Variants in PTPRQ observed in about 807,000 individuals in gnomAD.
PTPRQ encodes phosphatidylinositol phosphatase PTPRQ.
Under a neutral mutation model 246.0 loss-of-function variants are expected in PTPRQ, and 199 were observed. The ratio of observed to expected loss-of-function variants is 0.81; its 90% CI spans 0.72 to 0.91. The LOEUF is 0.91. Among genes scored for constraint, PTPRQ ranks in the 40% least tolerant of loss-of-function variants. PTPRQ has a pLI of 0.00. For synonymous variants in PTPRQ, 869 were observed against 853.2 expected, an observed-to-expected ratio of 1.02 and a Z score of -0.32; for missense variants, 2,624 against 2,528.4, an observed-to-expected ratio of 1.04 and a Z score of -0.81.
intron 14 of PTPRQ, among the ~76,000 whole-genome samples, chr12:80,499,788 C>CTGTGTGTGTT (rs1894740394): frequency 6.6e-6 from 1 of 151,362 alleles, no homozygotes; most frequent in African/African-American, 2.4e-5. Context: ...GTGTGTATCT[C>CTGTGTGTGTT]TGTGTGTGTT....
At chr12:80,633,019 C>G (rs1362741988) in intron 34 of PTPRQ, among the ~76,000 whole-genome samples, 1 of 152,130 alleles carries the variant, frequency 6.6e-6, no homozygotes, top group Non-Finnish European at 1.5e-5. Flanking sequence ...TTTCCTCTTC[C>G]TACTGCCTCT....
chr12:80,660,315 C>A (rs141894080), intron 39 of PTPRQ, among the ~76,000 whole-genome samples: 1 of 151,992 alleles, frequency 6.6e-6, no homozygotes, highest in Non-Finnish European at 1.5e-5. Context: ...AAGACTGGGA[C>A]CCTCCAGCCC....
intron 23 of PTPRQ, 105 bp downstream of exon 23, chr12:80,542,986 AT>A (rs936734947): frequency 6.1e-6 from 5 of 816,092 alleles, no homozygotes; most frequent in African/African-American, 3.6e-5. Context: ...AACAATGACT[AT>A]TTTTTTAAAC....
intron 27 of PTPRQ, among the ~76,000 whole-genome samples, chr12:80,607,431 TTTCC>T (rs57625204): frequency 0.19 from 26,047 of 139,254 alleles, 2,817 homozygotes; most frequent in Non-Finnish European, 0.25. Flanking sequence ...AGTAGAGGTA[TTTCC>T]TTCCTTCCTT....
At chr12:80,646,565 C>T (rs536139808) in intron 35 of PTPRQ, among the ~76,000 whole-genome samples, 11 of 152,236 alleles carry the variant, frequency 7.2e-5, no homozygotes, top group South Asian at 4.1e-4. Flanking sequence ...ATTTACCCTC[C>T]GATGCTTCTA....
intron 33 of PTPRQ, 67 bp downstream of exon 33, chr12:80,622,201 A>C (rs775317827): frequency 9.7e-6 from 11 of 1,139,778 alleles, no homozygotes; most frequent in Non-Finnish European, 1.2e-5. Context: ...TTTATTAGTA[A>C]ATGTATTAAT....
At chr12:80,528,447 G>A (rs1895754271) in intron 17 of PTPRQ, among the ~76,000 whole-genome samples, 1 of 145,584 alleles carries the variant, frequency 6.9e-6, no homozygotes, top group Admixed American at 7.1e-5. Context: ...TTGAAATAAT[G>A]AAAGAAAGAA....
chr12:80,677,477 G>T (rs938690018), intron 43 of PTPRQ, among the ~76,000 whole-genome samples: 2 of 152,066 alleles, frequency 1.3e-5, no homozygotes, highest in Admixed American at 6.6e-5. Context: ...AAATGGTAAA[G>T]GTTGACTAGC....
At chr12:80,586,014 T>A (rs1182654809) in intron 25 of PTPRQ, among the ~76,000 whole-genome samples, 1 of 151,586 alleles carries the variant, frequency 6.6e-6, no homozygotes, top group African/African-American at 2.4e-5. Flanking sequence ...GATAGTTTAC[T>A]GAGAATGATG....
chr12:80,661,855 A>G lies in PTPRQ; in HGVS notation c.6192+3794A>G, dbSNP rs572376628. 3.9e-5 allele frequency among the ~76,000 whole-genome samples: 6 copies of G among 151,986 alleles called. No individual in the cohort carries two copies. In the South Asian group the frequency reaches 1.2e-3, roughly 32 times the overall value. The stretch of plus-strand genomic sequence containing the variant: ...TTTTCAAAGCAATTTCACATTCCTT[A>G]TTTTACAAATAGTATTCAAAATGAC... On this transcript the variant is annotated intron_variant, in intron 39 of 44. Coordinates refer to ENST00000644991, the MANE Select transcript of PTPRQ (RefSeq NM_001145026.2).
intron 41 of PTPRQ, among the ~76,000 whole-genome samples, chr12:80,669,908 C>A (rs1025831071): frequency 3.9e-5 from 6 of 152,098 alleles, no homozygotes; most frequent in Non-Finnish European, 7.4e-5. Context: ...TTTATGGGAT[C>A]ACTTTATGGG....
intron 17 of PTPRQ, among the ~76,000 whole-genome samples, chr12:80,523,619 T>G (rs1380750376): frequency 6.6e-6 from 1 of 152,260 alleles, no homozygotes; most frequent in Non-Finnish European, 1.5e-5. Context: ...CATTTCATTA[T>G]GTACCCAGTA....
intron 32 of PTPRQ, among the ~76,000 whole-genome samples, chr12:80,620,838 ATGAG>A (rs1224000906): frequency 5.9e-5 from 9 of 151,920 alleles, no homozygotes; most frequent in African/African-American, 1.9e-4. Flanking sequence ...TATCTCATGA[ATGAG>A]TGATAGAAAT....
At chr12:80,624,181 A>G (rs1199936889) in intron 33 of PTPRQ, among the ~76,000 whole-genome samples, 1 of 152,176 alleles carries the variant, frequency 6.6e-6, no homozygotes, top group Non-Finnish European at 1.5e-5. Flanking sequence ...GTAATGAAGG[A>G]CAGAGCACAG....
chr12:80,668,233 T>C (rs182017021), intron 39 of PTPRQ, among the ~76,000 whole-genome samples: 116 of 152,034 alleles, frequency 7.6e-4, no homozygotes, highest in African/African-American at 2.7e-3. Context: ...CACAATTATA[T>C]AAACTCAAGT....
At chr12:80,636,207 G>A (rs1236208342) in intron 35 of PTPRQ, among the ~76,000 whole-genome samples, 2 of 152,098 alleles carry the variant, frequency 1.3e-5, no homozygotes, top group Admixed American at 1.3e-4. Flanking sequence ...TAATACAGTG[G>A]TCCTATCCAC....
intron 25 of PTPRQ, among the ~76,000 whole-genome samples, chr12:80,571,360 G>A (rs1325284982): frequency 4.6e-5 from 7 of 152,276 alleles, no homozygotes; most frequent in East Asian, 3.9e-4. Context: ...GGCTGGTCTC[G>A]AACTGCTGAC....
chr12:80,506,121 A>T lies in PTPRQ; in HGVS notation c.2370A>T (p.Ile790=), dbSNP rs1166823217. The stretch of plus-strand genomic sequence containing the variant: ...CCCCAAGTAGTCCCAATGGAATCAT[A>T]CAAAAATATACAATTTATCTCAAGA... ...FLPPSSPNGI[I]QKYTIYLKRS... The change falls in exon 15 of 45, where the codon ATA becomes ATT. Residue 790 remains isoleucine, a synonymous_variant. Coordinates refer to ENST00000644991, the MANE Select transcript of PTPRQ (RefSeq NM_001145026.2). The T allele has an allele frequency of 6.5e-7, 1 of 1,542,128 alleles. No individual in the cohort carries two copies. The highest frequency in any genetic ancestry group is 8.7e-7 in the Non-Finnish European group (1 of 1,143,348).
chr12:80,510,703 A>G (rs1299411641), intron 17 of PTPRQ, among the ~76,000 whole-genome samples: 1 of 152,206 alleles, frequency 6.6e-6, no homozygotes, highest in Non-Finnish European at 1.5e-5. Context: ...CTTAAAAGTC[A>G]TTGACAAGTC....
Sources: gnomAD v4.1 joint callset for allele counts (sites outside exome capture counted in the v4.1 genomes callset) on GRCh38, gnomAD v4.1.1 for gene constraint, MANE v1.5 for transcripts, NCBI Gene and HGNC (gene_info 2026-07-23, HGNC 2026-07-21) for gene names.